The following PLEKHA5 variants were observed in gnomAD, a reference collection of about 807,000 sequenced individuals.
The protein encoded by PLEKHA5 is pleckstrin homology domain containing A5, also known as pleckstrin homology domain-containing family A member 5.
Under a neutral mutation model 181.9 loss-of-function variants are expected in PLEKHA5, and 55 were observed. The observed-to-expected ratio is 0.30, with a 90% CI of 0.24 to 0.38. The LOEUF (loss-of-function observed/expected upper bound fraction) is 0.38, where lower values mean the gene tolerates loss of function less well. Ranked by LOEUF, PLEKHA5 falls within the 10% of genes least tolerant of loss-of-function variation. PLEKHA5 has a pLI of 1.00. For synonymous variants in PLEKHA5, 535 were observed against 529.4 expected, an observed-to-expected ratio of 1.01 and a Z score of -0.15; for missense variants, 1,432 against 1,549.5, an observed-to-expected ratio of 0.92 and a Z score of 1.27.
rs188667708 is a variant in PLEKHA5, at chr12:19,367,052, A to G, written c.3754+943A>G. On this transcript the variant is annotated intron_variant, in intron 30 of 31. Transcript: ENST00000429027. ...AGGTGTGTGCCACCACACCCGGCTA[A>G]TTTTTTGTATTTGTAGTACAGATGG... Among the ~76,000 whole-genome samples the G allele has an allele frequency of 5.3e-5, 8 of 151,750 alleles. No homozygotes were observed. The East Asian group carries it at 9.7e-4, about 18-fold the overall frequency.
intron 3 of PLEKHA5, among the ~76,000 whole-genome samples, chr12:19,217,529 T>G (rs1416516982): frequency 1.3e-5 from 2 of 152,036 alleles, no homozygotes; most frequent in African/African-American, 4.8e-5. Context: ...GGGATGCAAA[T>G]CAGAATAAAA....
At chr12:19,372,266 T>G (rs1186844113) in intron 31 of PLEKHA5, 1 of 152,244 alleles carries the variant, frequency 6.6e-6, no homozygotes, top group African/African-American at 2.4e-5. Flanking sequence ...CCCAAAGTGC[T>G]GGCGTGACCC....
chr12:19,326,786 T>G (rs1280630486), intron 20 of PLEKHA5, among the ~76,000 whole-genome samples: 1 of 152,192 alleles, frequency 6.6e-6, no homozygotes, highest in Non-Finnish European at 1.5e-5. Flanking sequence ...GTACCAGTGT[T>G]TAGCTTCCAC....
At chr12:19,201,076 G>C (rs957240344) in intron 3 of PLEKHA5, 1 of 152,028 alleles carries the variant, frequency 6.6e-6, no homozygotes, top group African/African-American at 2.4e-5. Flanking sequence ...CACAGACTGG[G>C]AGAAAGTACA....
At chr12:19,369,847 T>C in intron 31 of PLEKHA5, 49 bp downstream of exon 31, 1 of 1,127,434 alleles carries the variant, frequency 8.9e-7, no homozygotes, top group Non-Finnish European at 1.3e-6. Flanking sequence ...ACTTGAATTT[T>C]ATGACTTATC....
intron 15 of PLEKHA5, among the ~76,000 whole-genome samples, chr12:19,303,258 T>G (rs2082131206): frequency 6.6e-6 from 1 of 152,120 alleles, no homozygotes; most frequent in Admixed American, 6.5e-5. Flanking sequence ...GCTTAATCAC[T>G]TGTTATTTTT....
chr12:19,360,750 C>G (rs1172434579), intron 28 of PLEKHA5, among the ~76,000 whole-genome samples: 8 of 133,116 alleles, frequency 6.0e-5, no homozygotes, highest in Admixed American at 2.4e-4. Context: ...TAGGTCTTAG[C>G]AATATGCACC....
At chr12:19,165,591 T>G (rs1315376579) in intron 3 of PLEKHA5, among the ~76,000 whole-genome samples, 1 of 152,190 alleles carries the variant, frequency 6.6e-6, no homozygotes, top group Non-Finnish European at 1.5e-5. Flanking sequence ...GATAGGCTCT[T>G]TGACATTCAG....
intron 16 of PLEKHA5, among the ~76,000 whole-genome samples, chr12:19,317,280 C>T (rs1345209776): frequency 1.3e-5 from 2 of 151,696 alleles, no homozygotes; most frequent in Non-Finnish European, 1.5e-5. Context: ...GACAGGAGTC[C>T]GAAGCTGCAA....
At chr12:19,160,925 A>G (rs1017015459) in intron 3 of PLEKHA5, among the ~76,000 whole-genome samples, 2 of 152,196 alleles carry the variant, frequency 1.3e-5, no homozygotes, top group African/African-American at 4.8e-5. Context: ...AATCAATAAT[A>G]ACAGTATTAG....
chr12:19,304,413 C>G (rs1047327747), intron 15 of PLEKHA5, among the ~76,000 whole-genome samples: 1 of 152,172 alleles, frequency 6.6e-6, no homozygotes, highest in African/African-American at 2.4e-5. Context: ...AATGCTATAT[C>G]TTAGACAACA....
intron 3 of PLEKHA5, among the ~76,000 whole-genome samples, chr12:19,140,700 G>A (rs1027250017): frequency 6.6e-6 from 1 of 152,138 alleles, no homozygotes; most frequent in African/African-American, 2.4e-5. Context: ...AACATCCCAG[G>A]GCATTTTTTT....
intron 3 of PLEKHA5, among the ~76,000 whole-genome samples, chr12:19,142,921 A>G (rs2037826558): frequency 6.6e-6 from 1 of 152,234 alleles, no homozygotes; most frequent in Non-Finnish European, 1.5e-5. Context: ...TTCACTTAGC[A>G]TAATGTCCTC....
chr12:19,341,187 G>A (rs952544213), intron 21 of PLEKHA5, among the ~76,000 whole-genome samples: 1 of 152,106 alleles, frequency 6.6e-6, no homozygotes, highest in Admixed American at 6.6e-5. Flanking sequence ...TGAGGCAGGA[G>A]GATTGCTTGA....
chr12:19,371,143 GCTGGGAC>G (rs2095565535), intron 31 of PLEKHA5: 1 of 152,202 alleles, frequency 6.6e-6, no homozygotes, highest in African/African-American at 2.4e-5. Flanking sequence ...CCCCTGAGTA[GCTGGGAC>G]TACAGGTGTA....
At chr12:19,257,708 A>G (rs982740271) in intron 6 of PLEKHA5, among the ~76,000 whole-genome samples, 171 bp downstream of exon 6, 4 of 152,146 alleles carry the variant, frequency 2.6e-5, no homozygotes, top group African/African-American at 9.7e-5. Context: ...GGAACAGTGA[A>G]GACAGAAAAA....
intron 3 of PLEKHA5, among the ~76,000 whole-genome samples, chr12:19,177,448 ATAG>A (rs2047579762): frequency 3.9e-5 from 6 of 152,010 alleles, no homozygotes; most frequent in Admixed American, 3.9e-4. Flanking sequence ...CATTTGATAG[ATAG>A]GGAAACTAAG....
At chr12:19,192,956 A>G (rs1704224476) in intron 3 of PLEKHA5, among the ~76,000 whole-genome samples, 1 of 152,170 alleles carries the variant, frequency 6.6e-6, no homozygotes, top group Non-Finnish European at 1.5e-5. Context: ...AGCCATACTC[A>G]TTTATGTAAT....
At chr12:19,337,548 CAAA>C (rs1157232818) in intron 21 of PLEKHA5, among the ~76,000 whole-genome samples, 3 of 61,724 alleles carry the variant, frequency 4.9e-5, no homozygotes, top group South Asian at 5.3e-4. Flanking sequence ...GACTCTATCT[CAAA>C]AAAAAAAAAA....
Sources: gnomAD v4.1 joint callset for allele counts (sites outside exome capture counted in the v4.1 genomes callset) on GRCh38, gnomAD v4.1.1 for gene constraint, MANE v1.5 for transcripts, NCBI Gene and HGNC (gene_info 2026-07-23, HGNC 2026-07-21) for gene names.